RNF38: variants seen among roughly 807,000 people sequenced by gnomAD.
RNF38 encodes the protein ring finger protein 38, also known as E3 ubiquitin-protein ligase RNF38.
In RNF38, 15 loss-of-function variants were observed where a neutral mutation model predicts 67.2. The ratio of observed to expected loss-of-function variants is 0.22; its 90% CI spans 0.15 to 0.34. RNF38 has a LOEUF of 0.34. Ranked by LOEUF, RNF38 falls within the 10% of genes least tolerant of loss-of-function variation. RNF38 has a pLI of 1.00. For synonymous variants in RNF38, 220 were observed against 218.8 expected, an observed-to-expected ratio of 1.01 and a Z score of -0.05; for missense variants, 524 against 639.9, an observed-to-expected ratio of 0.82 and a Z score of 1.95.
intron 1 of RNF38, among the ~76,000 whole-genome samples, chr9:36,390,860 T>A (rs1837028710): frequency 6.6e-6 from 1 of 152,214 alleles, no homozygotes. Context: ...ACCACGTCCT[T>A]CCTGTTTCCC....
At chr9:36,449,334 G>A (rs546907753) in intron 1 of RNF38, among the ~76,000 whole-genome samples, 53 of 152,206 alleles carry the variant, frequency 3.5e-4, no homozygotes, top group African/African-American at 1.3e-3. Context: ...GGGAGGCTGA[G>A]GCAGGAGGAT....
intron 6 of RNF38, among the ~76,000 whole-genome samples, chr9:36,354,507 G>C (rs1055190389): frequency 6.6e-6 from 1 of 152,148 alleles, no homozygotes; most frequent in Non-Finnish European, 1.5e-5. Context: ...CATGTAAATG[G>C]AACCAGTTCA....
intron 1 of RNF38, among the ~76,000 whole-genome samples, chr9:36,480,255 A>T (rs549516434): frequency 6.6e-6 from 1 of 152,290 alleles, no homozygotes; most frequent in East Asian, 1.9e-4. Context: ...CTGAGATTAC[A>T]GACGTGAGCC....
chr9:36,459,630 T>G (rs1156244091), intron 1 of RNF38, among the ~76,000 whole-genome samples: 1 of 152,160 alleles, frequency 6.6e-6, no homozygotes, highest in Non-Finnish European at 1.5e-5. Context: ...TGTGTATGTG[T>G]GTACATACTC....
chr9:36,347,142 G>C lies in RNF38; in HGVS notation c.1264-2189C>G, dbSNP rs893759161. 1.5e-3 allele frequency among the ~76,000 whole-genome samples: 83 copies of C among 56,050 alleles called. 5 individuals carry two copies. The highest frequency in any genetic ancestry group is 1.1e-3 in the Admixed American group (5 of 4,494). 36.8% of individuals were successfully genotyped at this position (56,050 alleles called of 152,430 possible). On this transcript the variant is annotated intron_variant, in intron 9 of 11. Coordinates refer to ENST00000259605, the MANE Select transcript of RNF38 (RefSeq NM_022781.5). The stretch of plus-strand genomic sequence containing the variant: ...TCTCGGGGGGGGGGGGGGGGGGGGG[G>C]GGGGGGGAAGTAAATTGCCAAATTG...
At chr9:36,441,614 G>T (rs770203902) in intron 1 of RNF38, among the ~76,000 whole-genome samples, 1 of 152,076 alleles carries the variant, frequency 6.6e-6, no homozygotes, top group Non-Finnish European at 1.5e-5. Context: ...GAGCCACCGC[G>T]CCTGGCCCCA....
At chr9:36,375,707 C>T (rs971805181) in intron 3 of RNF38, among the ~76,000 whole-genome samples, 1 of 152,140 alleles carries the variant, frequency 6.6e-6, no homozygotes, top group Non-Finnish European at 1.5e-5. Flanking sequence ...ATAATGGCAT[C>T]GACTGATTTT....
chr9:36,480,554 T>C (rs1209752197), intron 1 of RNF38, among the ~76,000 whole-genome samples: 11 of 141,494 alleles, frequency 7.8e-5, no homozygotes, highest in African/African-American at 1.9e-4. Flanking sequence ...TTTTCTTTTT[T>C]TTTTTTTTTT....
At chr9:36,408,111 A>G (rs10814384) in intron 2 of RNF38, among the ~76,000 whole-genome samples, 53,570 of 151,848 alleles carry the variant, frequency 0.35, 9,557 homozygotes, top group Non-Finnish European at 0.39. Context: ...AGGCAGCATC[A>G]ATTTTTTTAA....
At chr9:36,417,942 C>T (rs1334049463) in intron 2 of RNF38, among the ~76,000 whole-genome samples, 2 of 151,726 alleles carry the variant, frequency 1.3e-5, no homozygotes, top group Admixed American at 6.6e-5. Flanking sequence ...ACATTTCATA[C>T]AAATATGGTA....
At chr9:36,409,367 G>A (rs1265241809) in intron 2 of RNF38, among the ~76,000 whole-genome samples, 4 of 152,040 alleles carry the variant, frequency 2.6e-5, no homozygotes, top group East Asian at 3.9e-4. Flanking sequence ...GAAGGCAGGC[G>A]GGCGGGCAAC....
Position 36,348,078 on chromosome 9 carries a change from A to G in RNF38, c.1263+3037T>C, listed in dbSNP as rs372400745. Among the ~76,000 whole-genome samples, 7 of 152,096 alleles carry G rather than the reference A, an allele frequency of 4.6e-5. No individual in the cohort carries two copies. The East Asian group carries it at 7.7e-4, about 17-fold the overall frequency. ...GCAACAGAGTGAGATTCCGTCTCAA[A>G]AAAACAAAACAAAAACTAGAAATGA... On this transcript the variant is annotated intron_variant, in intron 9 of 11. Coordinates refer to ENST00000259605, the MANE Select transcript of RNF38 (RefSeq NM_022781.5).
chr9:36,464,080 C>G (rs545385531), intron 1 of RNF38, among the ~76,000 whole-genome samples: 1 of 151,868 alleles, frequency 6.6e-6, no homozygotes, highest in Non-Finnish European at 1.5e-5. Flanking sequence ...AGGAGAATGG[C>G]GTGAACCCGG....
intron 5 of RNF38, among the ~76,000 whole-genome samples, chr9:36,357,129 C>A (rs767312310): frequency 8.5e-5 from 13 of 152,156 alleles, no homozygotes; most frequent in Non-Finnish European, 1.8e-4. Context: ...AAATACAGCG[C>A]CCTCATTTCT....
At chr9:36,349,722 CCT>C (rs777315722) in intron 9 of RNF38, among the ~76,000 whole-genome samples, 58 of 152,210 alleles carry the variant, frequency 3.8e-4, no homozygotes, top group South Asian at 6.2e-4. Flanking sequence ...GAGCTTTTCC[CCT>C]GTTTTCTTTC....
upstream of RNF38, chr9:36,400,816 C>A (rs1009058637): frequency 2.0e-6 from 2 of 985,378 alleles, no homozygotes; most frequent in Non-Finnish European, 1.2e-6. Flanking sequence ...GAGGCTCCAT[C>A]CTCTCCGCCC....
chr9:36,376,194 A>C, intron 2 of RNF38, 67 bp from the exon 3 acceptor site: 1 of 1,215,914 alleles, frequency 8.2e-7, no homozygotes, highest in Admixed American at 2.7e-5. Flanking sequence ...CTGCATATGC[A>C]CAGGTGTTAG....
chr9:36,460,369 T>C (rs1839698471), intron 1 of RNF38, among the ~76,000 whole-genome samples: 1 of 152,154 alleles, frequency 6.6e-6, no homozygotes, highest in Non-Finnish European at 1.5e-5. Context: ...CTTTTATCTA[T>C]AGTGGTTTAG....
At chr9:36,367,899 T>A (rs187186942) in intron 4 of RNF38, among the ~76,000 whole-genome samples, 6 of 152,378 alleles carry the variant, frequency 3.9e-5, no homozygotes, top group African/African-American at 1.4e-4. Flanking sequence ...TTGCCCAGGC[T>A]GGAGTGCAAT....
Sources: allele counts gnomAD v4.1 joint callset (sites outside exome capture counted in the v4.1 genomes callset), GRCh38; gene constraint gnomAD v4.1.1; transcripts MANE v1.5; gene names NCBI Gene and HGNC (gene_info 2026-07-23, HGNC 2026-07-21).